Variants in TIAM2 observed in about 807,000 individuals in gnomAD.
The protein encoded by TIAM2 is TIAM Rac1 associated GEF 2, also known as rho guanine nucleotide exchange factor TIAM2.
A neutral mutation model predicts 152.9 loss-of-function variants in TIAM2; 80 were observed. The ratio of observed to expected loss-of-function variants is 0.52; its 90% CI spans 0.44 to 0.63. The LOEUF (loss-of-function observed/expected upper bound fraction) is 0.63, where lower values mean the gene tolerates loss of function less well. Among genes scored for constraint, TIAM2 ranks in the 30% least tolerant of loss-of-function variants. TIAM2 has a pLI of 0.00. For synonymous variants in TIAM2, 804 were observed against 838.0 expected (o/e 0.96, Z 0.70); for missense variants, 1,965 against 2,120.1 (o/e 0.93, Z 1.44).
chr6:155,205,989 T>C (rs764891880), intron 14 of TIAM2, among the ~76,000 whole-genome samples: 5 of 152,228 alleles, frequency 3.3e-5, no homozygotes, highest in Non-Finnish European at 5.9e-5. Context: ...TTTAAGTTGG[T>C]ACCCAGGATG....
intron 1 of TIAM2, among the ~76,000 whole-genome samples, chr6:155,059,325 TGC>T (rs1193693372): frequency 7.4e-6 from 1 of 135,558 alleles, no homozygotes; most frequent in East Asian, 2.1e-4. Flanking sequence ...TGTGTGTGTG[TGC>T]GCGTGTATGT....
At chr6:155,136,589 G>A (rs991538821) in intron 4 of TIAM2, among the ~76,000 whole-genome samples, 1 of 152,094 alleles carries the variant, frequency 6.6e-6, no homozygotes, top group Non-Finnish European at 1.5e-5. Flanking sequence ...TTTACTATAT[G>A]AACTGGGAAA....
intron 2 of TIAM2, among the ~76,000 whole-genome samples, chr6:155,090,633 AC>A (rs1435965446): frequency 6.6e-6 from 1 of 152,154 alleles, no homozygotes; most frequent in African/African-American, 2.4e-5. Context: ...AGTGTGGAAA[AC>A]GGGTATGCCA....
chr6:155,250,903 T>C lies in TIAM2; in HGVS notation c.3952-10T>C, dbSNP rs2115350159. 1.2e-6 allele frequency: 2 copies of C among 1,613,718 alleles called. No individual in the cohort carries two copies. The highest frequency in any genetic ancestry group is 1.7e-4 in the Middle Eastern group (1 of 6,058). On this transcript the variant is annotated splice_polypyrimidine_tract_variant and intron_variant, in intron 21 of 26. Transcript: ENST00000682666. ...CCGTATCTTCCTTACCTCCTGTTTT[T>C]ACAATCTAGGTAACAGAACTTTCGA...
chr6:155,215,727 ATTT>A (rs10535890), intron 15 of TIAM2, among the ~76,000 whole-genome samples: 73 of 140,148 alleles, frequency 5.2e-4, no homozygotes, highest in African/African-American at 1.6e-3. Flanking sequence ...AAAATTTTAA[ATTT>A]TTTTTTTTTT....
In TIAM2 at chr6:155,112,125, CTTTTTTT is replaced by C. The variant is rs34148436; in HGVS notation, c.-117-15353_-117-15347del. On this transcript the variant is annotated intron_variant, in intron 2 of 26. Coordinates refer to ENST00000682666, the MANE Select transcript of TIAM2 (RefSeq NM_012454.4). Reference sequence around the variant, plus strand: ...GTGCCACATACTCTCTTGGTTTCCTCTTTTTTTTTTTTTTTTTTGAGATGGAGTCTTG... The same window carrying C: ...GTGCCACATACTCTCTTGGTTTCCTCTTTTTTTTTTTGAGATGGAGTCTTG... Among the ~76,000 whole-genome samples, 593 of 131,398 alleles carry C rather than the reference CTTTTTTT, an allele frequency of 4.5e-3. 5 individuals are homozygous for C. Among genetic ancestry groups the C allele is most frequent in the African/African-American group, 0.015 (529 of 35,294 alleles). The allele number at this position is 131,398 out of a possible 152,430, so 86.2% of individuals were successfully genotyped here.
At chr6:155,091,899 A>G (rs920760761) in intron 2 of TIAM2, among the ~76,000 whole-genome samples, 1 of 152,034 alleles carries the variant, frequency 6.6e-6, no homozygotes, top group South Asian at 2.1e-4. Context: ...GGAGTAGGTT[A>G]TTATTGCTAT....
At chr6:155,010,206 T>C (rs1778464251) in intron 1 of TIAM2, among the ~76,000 whole-genome samples, 1 of 152,176 alleles carries the variant, frequency 6.6e-6, no homozygotes, top group African/African-American at 2.4e-5. Flanking sequence ...ACTTATGACT[T>C]TGAGGTTGTG....
intron 5 of TIAM2, 34 bp downstream of exon 5, chr6:155,137,646 GA>G (rs1305533056): frequency 2.6e-6 from 4 of 1,520,618 alleles, no homozygotes; most frequent in Non-Finnish European, 3.5e-6. Flanking sequence ...GGCCACTGGG[GA>G]TTGTTTCCGC....
At chr6:155,041,055 G>A (rs1777015722) in intron 1 of TIAM2, among the ~76,000 whole-genome samples, 1 of 152,078 alleles carries the variant, frequency 6.6e-6, no homozygotes, top group Admixed American at 6.6e-5. Context: ...GTAGATTTCA[G>A]TGTCCACACT....
intron 1 of TIAM2, among the ~76,000 whole-genome samples, chr6:154,997,653 T>C (rs1342480406): frequency 7.1e-6 from 1 of 140,632 alleles, no homozygotes; most frequent in African/African-American, 2.8e-5. Flanking sequence ...TTTTTTTTTT[T>C]TTTTTGAGAC....
intron 24 of TIAM2, chr6:155,253,364 A>G (rs1783789462): frequency 3.3e-6 from 1 of 305,740 alleles, no homozygotes; most frequent in East Asian, 6.5e-5. Context: ...CCACAAATTT[A>G]TGTTTTTACA....
chr6:155,118,001 A>G (rs1051873870), intron 2 of TIAM2, among the ~76,000 whole-genome samples: 1 of 152,214 alleles, frequency 6.6e-6, no homozygotes, highest in Non-Finnish European at 1.5e-5. Context: ...CTGGGCCAAC[A>G]CTGCCTCCCA....
intron 2 of TIAM2, among the ~76,000 whole-genome samples, chr6:155,101,754 A>G (rs1778553545): frequency 6.6e-6 from 1 of 152,300 alleles, no homozygotes; most frequent in Middle Eastern, 3.4e-3. Flanking sequence ...TCTGTTGCCC[A>G]GGCTGGAGTA....
At chr6:155,032,534 A>G (rs1776844665) in intron 1 of TIAM2, among the ~76,000 whole-genome samples, 1 of 152,008 alleles carries the variant, frequency 6.6e-6, no homozygotes, top group Non-Finnish European at 1.5e-5. Context: ...TTTAGGCTGC[A>G]GGGATTTTTG....
At chr6:155,237,064 C>T (rs1254886002) in intron 15 of TIAM2, among the ~76,000 whole-genome samples, 5 of 152,226 alleles carry the variant, frequency 3.3e-5, no homozygotes, top group Non-Finnish European at 5.9e-5. Context: ...AAGTCCCTTC[C>T]ACCTATGAGC....
intron 2 of TIAM2, among the ~76,000 whole-genome samples, chr6:155,104,031 CACACACA>C (rs1778609820): frequency 2.7e-5 from 2 of 73,530 alleles, no homozygotes; most frequent in African/African-American, 1.1e-4. Flanking sequence ...ATTTACCTCA[CACACACA>C]CACCCCCCCC....
At chr6:155,105,623 T>G (rs1778667893) in intron 2 of TIAM2, among the ~76,000 whole-genome samples, 1 of 151,734 alleles carries the variant, frequency 6.6e-6, no homozygotes, top group Non-Finnish European at 1.5e-5. Context: ...GTTAGCTAAT[T>G]GTTTAATTTT....
chr6:155,164,161 G>A (rs1195984120), intron 7 of TIAM2, among the ~76,000 whole-genome samples: 2 of 66,618 alleles, frequency 3.0e-5, no homozygotes, highest in African/African-American at 4.2e-5. Flanking sequence ...TTTTAGTAGA[G>A]ATGGAGTTTC....
Sources: gnomAD v4.1 joint callset for allele counts (sites outside exome capture counted in the v4.1 genomes callset) on GRCh38, gnomAD v4.1.1 for gene constraint, MANE v1.5 for transcripts, NCBI Gene and HGNC (gene_info 2026-07-23, HGNC 2026-07-21) for gene names.